The following ADGRB3 variants were observed in gnomAD, a reference collection of about 807,000 sequenced individuals.
ADGRB3 encodes adhesion G protein-coupled receptor B3, also known as brain-specific angiogenesis inhibitor 3.
ADGRB3 carries 37 observed loss-of-function variants against 193.4 expected under a neutral mutation model. The ratio of observed to expected loss-of-function variants is 0.19; its 90% CI spans 0.15 to 0.25. The LOEUF (loss-of-function observed/expected upper bound fraction) is 0.25, where lower values mean the gene tolerates loss of function less well. Among genes scored for constraint, ADGRB3 ranks in the 10% least tolerant of loss-of-function variants. The pLI is 1.00. For synonymous variants in ADGRB3, 690 were observed against 644.2 expected, an observed-to-expected ratio of 1.07 and a Z score of -1.08; for missense variants, 1,637 against 1,852.9, an observed-to-expected ratio of 0.88 and a Z score of 2.14.
chr6:69,149,832 G>A (rs1774617763), intron 17 of ADGRB3, among the ~76,000 whole-genome samples: 1 of 151,990 alleles, frequency 6.6e-6, no homozygotes, highest in Admixed American at 6.5e-5. Flanking sequence ...CGTAGCATCG[G>A]AGAGAATTCC....
At chr6:68,837,307 T>A (rs986120185) in intron 3 of ADGRB3, among the ~76,000 whole-genome samples, 2 of 152,224 alleles carry the variant, frequency 1.3e-5, no homozygotes, top group Non-Finnish European at 2.9e-5. Context: ...ATAAAGATGC[T>A]AACAATTTGT....
At chr6:68,988,016 A>G (rs1002445333) in intron 10 of ADGRB3, among the ~76,000 whole-genome samples, 6 of 152,162 alleles carry the variant, frequency 3.9e-5, no homozygotes, top group African/African-American at 1.2e-4. Context: ...ATTATGGACT[A>G]CTGCTTTTAC....
chr6:69,011,932 C>G (rs1056677723), intron 11 of ADGRB3, among the ~76,000 whole-genome samples: 1 of 152,066 alleles, frequency 6.6e-6, no homozygotes, highest in Non-Finnish European at 1.5e-5. Flanking sequence ...TTCTGTACTG[C>G]CTTCCCACTC....
intron 17 of ADGRB3, among the ~76,000 whole-genome samples, chr6:69,219,563 AAG>A (rs1381835985): frequency 6.8e-6 from 1 of 148,074 alleles, no homozygotes; most frequent in African/African-American, 2.5e-5. Flanking sequence ...GGCTGTAGGT[AAG>A]AGAAAAACAG....
intron 8 of ADGRB3, among the ~76,000 whole-genome samples, chr6:68,968,551 A>G (rs572153573): frequency 6.6e-6 from 1 of 152,342 alleles, no homozygotes; most frequent in East Asian, 1.9e-4. Flanking sequence ...AAAAGATAGT[A>G]CAAGTGAAGC....
chr6:69,189,586 G>C (rs775899005), intron 17 of ADGRB3, among the ~76,000 whole-genome samples: 9 of 152,098 alleles, frequency 5.9e-5, no homozygotes, highest in Non-Finnish European at 8.8e-5. Context: ...ATTCCGTCTG[G>C]TAAAAATGCC....
chr6:68,763,994 G>A (rs1322769289), intron 3 of ADGRB3, among the ~76,000 whole-genome samples: 2 of 152,098 alleles, frequency 1.3e-5, no homozygotes, highest in Non-Finnish European at 2.9e-5. Flanking sequence ...GATCACTTGA[G>A]CCTGAGAGCC....
At chr6:68,732,637 G>A (rs774078801) in intron 3 of ADGRB3, among the ~76,000 whole-genome samples, 4 of 151,900 alleles carry the variant, frequency 2.6e-5, no homozygotes, top group Non-Finnish European at 5.9e-5. Flanking sequence ...TGGAACAATA[G>A]TCAGTTTAAA....
intron 17 of ADGRB3, among the ~76,000 whole-genome samples, chr6:69,076,641 A>T (rs1416192419): frequency 6.6e-6 from 1 of 152,026 alleles, no homozygotes; most frequent in Non-Finnish European, 1.5e-5. Flanking sequence ...AATCACCTTT[A>T]TTTTATTGAT....
intron 15 of ADGRB3, among the ~76,000 whole-genome samples, chr6:69,050,418 A>G (rs1771359429): frequency 6.6e-6 from 1 of 152,202 alleles, no homozygotes; most frequent in Non-Finnish European, 1.5e-5. Context: ...TCCTCTGAAT[A>G]GAATTTAGAC....
chr6:69,232,763 T>C (rs1233630929), intron 17 of ADGRB3: 1 of 734,844 alleles, frequency 1.4e-6, no homozygotes, highest in Non-Finnish European at 2.2e-6. Context: ...GAAAAATCCC[T>C]AACCAGCAGC....
At chr6:69,344,427 T>C (rs1769042230) in intron 26 of ADGRB3, among the ~76,000 whole-genome samples, 2 of 152,226 alleles carry the variant, frequency 1.3e-5, no homozygotes, top group South Asian at 4.1e-4. Context: ...CTATTTAGTC[T>C]TATTATTTCC....
intron 20 of ADGRB3, among the ~76,000 whole-genome samples, chr6:69,255,499 A>G (rs1245822388): frequency 6.6e-6 from 1 of 151,796 alleles, no homozygotes; most frequent in Admixed American, 6.6e-5. Context: ...GGCTGCATAA[A>G]TGTCTTGAGA....
At chr6:69,272,491 T>A (rs1280255430) in intron 20 of ADGRB3, among the ~76,000 whole-genome samples, 1 of 152,104 alleles carries the variant, frequency 6.6e-6, no homozygotes, top group African/African-American at 2.4e-5. Flanking sequence ...GAAAAAGACA[T>A]AACTGGGTAG....
chr6:68,777,746 A>G (rs1766777053), intron 3 of ADGRB3, among the ~76,000 whole-genome samples: 1 of 151,730 alleles, frequency 6.6e-6, no homozygotes, highest in South Asian at 2.1e-4. Context: ...ATTTTAAATG[A>G]TCTCTCAAAG....
At chr6:69,173,268 C>A (rs959214451) in intron 17 of ADGRB3, among the ~76,000 whole-genome samples, 9 of 152,318 alleles carry the variant, frequency 5.9e-5, no homozygotes, top group African/African-American at 1.9e-4. Context: ...GAACTCCTGA[C>A]CTCAGGTGAT....
intron 17 of ADGRB3, among the ~76,000 whole-genome samples, chr6:69,173,864 TTTA>T (rs1166834430): frequency 6.6e-6 from 1 of 152,114 alleles, no homozygotes; most frequent in African/African-American, 2.4e-5. Flanking sequence ...CCCAAAGCGT[TTTA>T]TGACTGGGTA....
rs1053213266 is a variant in ADGRB3 at position 68,638,819 on chromosome 6, T to A, written c.144T>A (p.Phe48Leu). Residue 48 changes from phenylalanine (F) to leucine (L), a missense_variant, in exon 3 of 32, where the codon TTT (phenylalanine) becomes TTA (leucine). Phe to Leu is a conservative substitution (Grantham distance 22, BLOSUM62 0). Coordinates refer to ENST00000370598, the MANE Select transcript of ADGRB3 (RefSeq NM_001704.3). Reference sequence around the variant, plus strand: ...GATCGTATTCTGTAAGTGAAATGTTTCCTAAAAACTTTACAAACTGCACTT... The same window carrying A: ...GATCGTATTCTGTAAGTGAAATGTTACCTAAAAACTTTACAAACTGCACTT... The part of the protein sequence containing the change: ...IYGSYSVSEM[F>L]PKNFTNCTWT... 6.2e-7 allele frequency: 1 copy of A among 1,614,132 alleles called. No individual in the cohort carries two copies. Among genetic ancestry groups the A allele is most frequent in the East Asian group, 2.2e-5 (1 of 44,856 alleles).
At chr6:68,935,109 T>C (rs773142792) in intron 4 of ADGRB3, among the ~76,000 whole-genome samples, 13 of 152,202 alleles carry the variant, frequency 8.5e-5, no homozygotes, top group Non-Finnish European at 1.5e-4. Context: ...ATAATGGTAC[T>C]ACTCAAAGTG....
Sources: allele counts gnomAD v4.1 joint callset (sites outside exome capture counted in the v4.1 genomes callset), GRCh38; gene constraint gnomAD v4.1.1; transcripts MANE v1.5; gene names NCBI Gene and HGNC (gene_info 2026-07-23, HGNC 2026-07-21).